DZIP3: variants seen among roughly 807,000 people sequenced by gnomAD.
DZIP3 encodes E3 ubiquitin-protein ligase DZIP3.
A neutral mutation model predicts 162.0 loss-of-function variants in DZIP3; 118 were observed. The ratio of observed to expected loss-of-function variants is 0.73; its 90% CI spans 0.63 to 0.85. The LOEUF (loss-of-function observed/expected upper bound fraction) is 0.85, where lower values mean the gene tolerates loss of function less well. DZIP3 is among the 40% of genes least tolerant of loss of function. The pLI is 0.00. For missense variants in DZIP3, 1,331 were observed against 1,407.0 expected (o/e 0.95, Z 0.86); for synonymous variants, 438 against 458.6 (o/e 0.96, Z 0.57).
At chr3:108,646,088 A>G (rs1243383454) in intron 14 of DZIP3, among the ~76,000 whole-genome samples, 1 of 152,204 alleles carries the variant, frequency 6.6e-6, no homozygotes, top group Non-Finnish European at 1.5e-5. Flanking sequence ...TTATTTGGAT[A>G]TCTGATAATT....
intron 29 of DZIP3, 25 bp downstream of exon 29, chr3:108,688,121 A>G: frequency 6.2e-7 from 1 of 1,612,006 alleles, no homozygotes; most frequent in Non-Finnish European, 8.5e-7. Flanking sequence ...CAACCAAAAA[A>G]CCTGTATCTC....
chr3:108,690,968 T>A, intron 32 of DZIP3, 65 bp downstream of exon 32: 1 of 1,354,300 alleles, frequency 7.4e-7, no homozygotes, highest in Non-Finnish European at 1.0e-6. Flanking sequence ...TTGAGTGGTG[T>A]AAAACTATGT....
intron 1 of DZIP3, among the ~76,000 whole-genome samples, chr3:108,601,572 A>G (rs1940020931): frequency 6.6e-6 from 1 of 152,158 alleles, no homozygotes. Flanking sequence ...CTGGCATTGT[A>G]TAATCTGTAA....
At chr3:108,650,996 G>A in intron 17 of DZIP3, 141 bp from the exon 18 acceptor site, 1 of 242,290 alleles carries the variant, frequency 4.1e-6, no homozygotes. Context: ...ATATGCATAA[G>A]TGCATATGAC....
intron 5 of DZIP3, among the ~76,000 whole-genome samples, chr3:108,620,086 AG>A (rs916860963): frequency 1.3e-5 from 2 of 152,156 alleles, no homozygotes; most frequent in African/African-American, 4.8e-5. Flanking sequence ...GAAAAGACAC[AG>A]GTGAAGTCTG....
At chr3:108,633,757 G>T (rs1941997773) in intron 9 of DZIP3, among the ~76,000 whole-genome samples, 1 of 84,472 alleles carries the variant, frequency 1.2e-5, no homozygotes, top group Non-Finnish European at 2.3e-5. Flanking sequence ...ACTTCTGATA[G>T]ATCTCTCTCT....
rs371678173 is a variant in DZIP3 at position 108,627,885 on chromosome 3, G to A, written c.582-1177G>A. Among the ~76,000 whole-genome samples the A allele has an allele frequency of 2.7e-4, 40 of 146,536 alleles. No homozygotes were observed. The East Asian group carries it at 4.9e-3, about 18-fold the overall frequency. On this transcript the variant is annotated intron_variant, in intron 7 of 32. Transcript: ENST00000361582. ...GTCTGAAGGCAATGAGGTAAGGGAAGTTTTTTTTTTTTGAGACGGAGTCTC... is the reference window on the plus strand; with the variant it reads ...GTCTGAAGGCAATGAGGTAAGGGAAATTTTTTTTTTTTGAGACGGAGTCTC...
chr3:108,629,304 C>T, intron 8 of DZIP3, 128 bp downstream of exon 8: 1 of 613,456 alleles, frequency 1.6e-6, no homozygotes, highest in Non-Finnish European at 2.8e-6. Context: ...ACCTTTATTG[C>T]ATTACCTAGT....
chr3:108,617,356 G>A (rs76648320), intron 5 of DZIP3, among the ~76,000 whole-genome samples: 1,651 of 151,856 alleles, frequency 0.011, 17 homozygotes, highest in South Asian at 0.051. Flanking sequence ...TTATAATGTC[G>A]TATATGATAA....
intron 28 of DZIP3, among the ~76,000 whole-genome samples, chr3:108,686,992 G>C (rs763664846): frequency 6.6e-6 from 1 of 151,964 alleles, no homozygotes; most frequent in Admixed American, 6.6e-5. Flanking sequence ...AATTTTGAGG[G>C]TCCTTATAGT....
intron 12 of DZIP3, 106 bp from the exon 13 acceptor site, chr3:108,642,332 C>T: frequency 8.3e-7 from 1 of 1,200,870 alleles, no homozygotes; most frequent in Non-Finnish European, 1.1e-6. Flanking sequence ...TGAATTATTT[C>T]TAGGAGAAGA....
intron 4 of DZIP3, among the ~76,000 whole-genome samples, chr3:108,613,850 A>G (rs1004866039): frequency 6.6e-6 from 1 of 152,214 alleles, no homozygotes; most frequent in Non-Finnish European, 1.5e-5. Flanking sequence ...AGAAAACCGT[A>G]TGTTCATAAG....
intron 19 of DZIP3, 39 bp from the exon 20 acceptor site, chr3:108,661,838 T>G (rs759522528): frequency 5.8e-6 from 9 of 1,542,224 alleles, no homozygotes; most frequent in African/African-American, 1.4e-5. Flanking sequence ...AATTTTTTTT[T>G]GAGGAAAATA....
At chr3:108,649,954 A>C (rs1942791059) in intron 17 of DZIP3, among the ~76,000 whole-genome samples, 1 of 151,774 alleles carries the variant, frequency 6.6e-6, no homozygotes, top group African/African-American at 2.4e-5. Flanking sequence ...ATCTGATAAA[A>C]CAAACTAATT....
intron 21 of DZIP3, among the ~76,000 whole-genome samples, chr3:108,663,083 G>T (rs1476337544): frequency 6.6e-6 from 1 of 152,106 alleles, no homozygotes; most frequent in African/African-American, 2.4e-5. Flanking sequence ...CTCATATATT[G>T]TATCTACTAC....
At chr3:108,671,675 C>G (rs1295065079) in intron 22 of DZIP3, among the ~76,000 whole-genome samples, 6 of 151,886 alleles carry the variant, frequency 4.0e-5, no homozygotes, top group Non-Finnish European at 8.8e-5. Context: ...TATGTGGTTG[C>G]TATCATTGGG....
At chr3:108,690,190 A>T (rs917666589) in intron 31 of DZIP3, among the ~76,000 whole-genome samples, 2 of 152,224 alleles carry the variant, frequency 1.3e-5, no homozygotes, top group African/African-American at 2.4e-5. Flanking sequence ...GGCCTATTAT[A>T]TATAGTGCTT....
Position 108,644,396 on chromosome 3 carries a change from GT to G in DZIP3, c.1376del (p.Leu459TyrfsTer13). 1.2e-6 allele frequency: 2 copies of G among 1,614,072 alleles called. No homozygotes were observed. The highest frequency in any genetic ancestry group is 1.7e-6 in the Non-Finnish European group (2 of 1,179,980). ...ATCTGCTTTATCCTCCTAACAAGGA[GT>G]TACCGCAATCCAAACAGTTTGACTT... ...WHLLYPPNKELPQSKQFDLCL... is the reference protein window; with the variant it reads ...WHLLYPPNKEXPQSKQFDLCL... On this transcript the variant is annotated frameshift_variant, in exon 14 of 33. Transcript: ENST00000361582. LOFTEE classifies it high-confidence loss of function.
At chr3:108,647,573 C>T (rs542680116) in intron 15 of DZIP3, among the ~76,000 whole-genome samples, 4 of 152,136 alleles carry the variant, frequency 2.6e-5, no homozygotes, top group Non-Finnish European at 2.9e-5. Flanking sequence ...TCTTCTTTTT[C>T]TTTATATTTC....
Sources: allele counts gnomAD v4.1 joint callset (sites outside exome capture counted in the v4.1 genomes callset), GRCh38; gene constraint gnomAD v4.1.1; transcripts MANE v1.5; gene names NCBI Gene and HGNC (gene_info 2026-07-23, HGNC 2026-07-21).